The following SLC24A3 variants were observed in gnomAD, a reference collection of about 807,000 sequenced individuals.
The protein encoded by SLC24A3 is sodium/potassium/calcium exchanger 3.
Under a neutral mutation model 75.8 loss-of-function variants are expected in SLC24A3, and 28 were observed. The ratio of observed to expected loss-of-function variants is 0.37; its 90% CI spans 0.27 to 0.51. SLC24A3 has a LOEUF of 0.51. SLC24A3 is among the 20% of genes least tolerant of loss of function. SLC24A3 has a pLI of 0.94. For synonymous variants in SLC24A3, 372 were observed against 334.1 expected (o/e 1.11, Z -1.24); for missense variants, 663 against 847.8 (o/e 0.78, Z 2.71).
chr20:19,223,242 A>C lies in SLC24A3; in HGVS notation c.142+10258A>C, dbSNP rs1268205631. Among the ~76,000 whole-genome samples the C allele has an allele frequency of 4.6e-5, 7 of 152,212 alleles. No individual in the cohort carries two copies. The East Asian group carries it at 1.4e-3, about 29-fold the overall frequency. On this transcript the variant is annotated intron_variant, in intron 1 of 16. Transcript: ENST00000328041. ...AGGATGTGGAGGTTGCAGTGAGCTG[A>C]GATTGCACCATTGCACTCCAGCCTG...
intron 10 of SLC24A3, 100 bp from the exon 11 acceptor site, chr20:19,684,073 AAAG>A: frequency 7.5e-7 from 1 of 1,335,186 alleles, no homozygotes; most frequent in Non-Finnish European, 1.0e-6. Context: ...GGATGGGAGG[AAAG>A]AAGGGAGGAA....
At chr20:19,581,315 A>G (rs1198647547) in intron 4 of SLC24A3, among the ~76,000 whole-genome samples, 1 of 152,144 alleles carries the variant, frequency 6.6e-6, no homozygotes, top group Non-Finnish European at 1.5e-5. Context: ...TGGGTGTTTT[A>G]TTATTCATGC....
chr20:19,301,922 A>G (rs777217060), intron 2 of SLC24A3, among the ~76,000 whole-genome samples: 85 of 152,194 alleles, frequency 5.6e-4, no homozygotes, highest in Non-Finnish European at 1.2e-3. Context: ...GCATTCCTAA[A>G]CTAGCACTTA....
chr20:19,679,187 C>T lies in SLC24A3; in HGVS notation c.768-2671C>T, dbSNP rs1021933757. ...TGGAGGTTGTAGCAAGCCGAGATCA[C>T]GCCACTGCACTCCAGCCTGGGCACC... is the stretch of plus-strand genomic sequence containing the variant. On this transcript the variant is annotated intron_variant, in intron 9 of 16. Coordinates refer to ENST00000328041, the MANE Select transcript of SLC24A3 (RefSeq NM_020689.4). Among the ~76,000 whole-genome samples the T allele has an allele frequency of 4.3e-4, 66 of 152,130 alleles. 2 individuals are homozygous for T. Among genetic ancestry groups the T allele is most frequent in the African/African-American group, 1.3e-3 (56 of 41,550 alleles).
At chr20:19,336,440 A>G (rs1985136247) in intron 2 of SLC24A3, among the ~76,000 whole-genome samples, 1 of 151,940 alleles carries the variant, frequency 6.6e-6, no homozygotes, top group Non-Finnish European at 1.5e-5. Flanking sequence ...TCTGTCACCC[A>G]GGCTGGCATG....
At chr20:19,567,744 A>C (rs1262284502) in intron 3 of SLC24A3, among the ~76,000 whole-genome samples, 1 of 152,242 alleles carries the variant, frequency 6.6e-6, no homozygotes, top group Non-Finnish European at 1.5e-5. Flanking sequence ...AGATATATTG[A>C]CCATCACACA....
chr20:19,612,851 T>C (rs2122665474), intron 6 of SLC24A3, among the ~76,000 whole-genome samples: 1 of 152,236 alleles, frequency 6.6e-6, no homozygotes, highest in African/African-American at 2.4e-5. Context: ...GTAGAGCCAC[T>C]CCACTTACAC....
Position 19,471,645 on chromosome 20 carries a change from C to A in SLC24A3, c.272-43843C>A, listed in dbSNP as rs1398436060. ...TCCCTGCATGTTTCTACTTGGCCCT[C>A]AGAAGCTGGTTCAGGATGGCTTAGC... On this transcript the variant is annotated intron_variant, in intron 2 of 16. Transcript: ENST00000328041. Among the ~76,000 whole-genome samples, 4 of 127,458 alleles carry A rather than the reference C, an allele frequency of 3.1e-5. No individual in the cohort carries two copies. The East Asian group carries it at 8.0e-4, about 26-fold the overall frequency. The allele number at this position is 127,458 out of a possible 152,430, so 83.6% of individuals were successfully genotyped here. A position where few individuals can be genotyped will look rare whatever the true frequency, so the allele number is the denominator to read the frequency against.
chr20:19,460,132 T>G (rs1041344117), intron 2 of SLC24A3, among the ~76,000 whole-genome samples: 1 of 152,120 alleles, frequency 6.6e-6, no homozygotes, highest in African/African-American at 2.4e-5. Context: ...ATCCAGCTGC[T>G]CTTAGGGAGG....
At chr20:19,512,516 G>A (rs1011622423) in intron 2 of SLC24A3, among the ~76,000 whole-genome samples, 17 of 152,224 alleles carry the variant, frequency 1.1e-4, no homozygotes, top group African/African-American at 4.1e-4. Flanking sequence ...AGGCCCAGTG[G>A]GATACACATA....
chr20:19,522,098 T>C (rs2030109760), intron 3 of SLC24A3, among the ~76,000 whole-genome samples: 1 of 152,190 alleles, frequency 6.6e-6, no homozygotes, highest in Admixed American at 6.5e-5. Flanking sequence ...ACTTGAAATG[T>C]GGCTAGTGTG....
At chr20:19,323,185 G>A (rs1319299216) in intron 2 of SLC24A3, among the ~76,000 whole-genome samples, 1 of 128,292 alleles carries the variant, frequency 7.8e-6, no homozygotes, top group Non-Finnish European at 1.5e-5. Context: ...CAGCCTGGGC[G>A]ACAGAGCGAG....
chr20:19,605,206 G>C (rs1015691786), intron 6 of SLC24A3, among the ~76,000 whole-genome samples: 2 of 152,186 alleles, frequency 1.3e-5, no homozygotes, highest in Non-Finnish European at 2.9e-5. Flanking sequence ...TATTTTCACC[G>C]TTTGTACAAA....
chr20:19,223,760 A>G (rs569674274), intron 1 of SLC24A3, among the ~76,000 whole-genome samples: 2 of 152,348 alleles, frequency 1.3e-5, no homozygotes, highest in Admixed American at 6.5e-5. Context: ...TAAGGAGATG[A>G]AGTCAGGTGC....
chr20:19,341,064 G>T lies in SLC24A3; in HGVS notation c.271+59977G>T, dbSNP rs113940226. Among the ~76,000 whole-genome samples, 755 of 152,340 alleles carry T rather than the reference G, an allele frequency of 5.0e-3. 4 individuals carry two copies. Among genetic ancestry groups the T allele is most frequent in the Middle Eastern group, 0.014 (4 of 294 alleles). On this transcript the variant is annotated intron_variant, in intron 2 of 16. Transcript: ENST00000328041. Reference sequence around the variant, plus strand: ...TGTAGGATGAGTGCACCAAGGTCTGGCTGGGATGGCCCAGAGAGTTCTGAA... The same window carrying T: ...TGTAGGATGAGTGCACCAAGGTCTGTCTGGGATGGCCCAGAGAGTTCTGAA...
chr20:19,303,885 G>A (rs1056255096), intron 2 of SLC24A3, among the ~76,000 whole-genome samples: 2 of 152,142 alleles, frequency 1.3e-5, no homozygotes, highest in Non-Finnish European at 2.9e-5. Context: ...CCTACTGTGT[G>A]GCTGCTGACT....
intron 3 of SLC24A3, among the ~76,000 whole-genome samples, chr20:19,576,732 C>G (rs2031141416): frequency 6.6e-6 from 1 of 152,138 alleles, no homozygotes; most frequent in African/African-American, 2.4e-5. Context: ...CTTCTTGCCA[C>G]AAAACCAGAT....
intron 1 of SLC24A3, among the ~76,000 whole-genome samples, chr20:19,240,141 C>T (rs558627636): frequency 2.0e-5 from 3 of 152,056 alleles, no homozygotes; most frequent in South Asian, 2.1e-4. Context: ...TTCATTTTTT[C>T]GTTTTCCCAC....
intron 6 of SLC24A3, among the ~76,000 whole-genome samples, chr20:19,624,389 T>A (rs2031842040): frequency 6.6e-6 from 1 of 152,180 alleles, no homozygotes; most frequent in Non-Finnish European, 1.5e-5. Context: ...CAAAATAAAG[T>A]TGTATGTATG....
Sources: gnomAD v4.1 joint callset for allele counts (sites outside exome capture counted in the v4.1 genomes callset) on GRCh38, gnomAD v4.1.1 for gene constraint, MANE v1.5 for transcripts, NCBI Gene and HGNC (gene_info 2026-07-23, HGNC 2026-07-21) for gene names.